Variants in IZUMO3 observed in about 807,000 individuals in gnomAD.
The protein encoded by IZUMO3 is izumo sperm-egg fusion protein 3.
In IZUMO3, 36 loss-of-function variants were observed where a neutral mutation model predicts 28.4. That is an observed-to-expected ratio of 1.27 (90% confidence interval 0.97 to 1.67). The LOEUF (loss-of-function observed/expected upper bound fraction) is 1.67, where lower values mean the gene tolerates loss of function less well. IZUMO3 is among the 40% of genes most tolerant of loss of function. IZUMO3 has a pLI of 0.00. For synonymous variants in IZUMO3, 126 were observed against 99.2 expected (o/e 1.27, Z -1.61); for missense variants, 387 against 278.5 (o/e 1.39, Z -2.77).
chr9:24,544,411 C>T (rs978034323), intron 4 of IZUMO3, 130 bp from the exon 5 acceptor site: 2 of 707,024 alleles, frequency 2.8e-6, no homozygotes, highest in Non-Finnish European at 4.9e-6. Context: ...CTGTGAATTT[C>T]TTCTTCTCCT....
Position 24,545,724 on chromosome 9 carries a change from A to T in IZUMO3, c.-75T>A, listed in dbSNP as rs1819579215. 1 of 1,533,236 alleles carries T rather than the reference A, an allele frequency of 6.5e-7. No homozygotes were observed. Among genetic ancestry groups the T allele is most frequent in the Admixed American group, 2.0e-5 (1 of 50,432 alleles). The allele number at this position is 1,533,236 out of a possible 1,614,324, so 95.0% of individuals were successfully genotyped here. A position where few individuals can be genotyped will look rare whatever the true frequency, so the allele number is the denominator to read the frequency against. On this transcript the variant is annotated 5_prime_UTR_variant, in exon 1 of 7. Coordinates refer to ENST00000543880, the MANE Select transcript of IZUMO3 (RefSeq NM_001365008.2). ...TCACTTAGTTCCTTTTCCTTCAAAA[A>T]TCCGGGAATGAGAGCCTGGTTCTGG...
chr9:24,544,351 G>T (rs974345962), intron 4 of IZUMO3, 70 bp from the exon 5 acceptor site: 2 of 1,062,016 alleles, frequency 1.9e-6, no homozygotes, highest in African/African-American at 1.6e-5. Context: ...CATACATCAA[G>T]TGTGGAGGAT....
rs1411967945 is a variant in IZUMO3 at position 24,543,671 on chromosome 9, C to G, written c.574G>C (p.Val192Leu). The change falls in exon 6 of 7, where the codon GTG becomes CTG. Residue 192 changes from valine (V) to leucine (L), a missense_variant. Coordinates refer to ENST00000543880, the MANE Select transcript of IZUMO3 (RefSeq NM_001365008.2). ...LATAVILGSA[V>L]LLFHFCIFHR... Reference sequence around the variant, plus strand: ...TGGAGAGAAGAAACTCACAGTAACACAGCACTTCCCAGTATTACAGCTGTT... The same window carrying G: ...TGGAGAGAAGAAACTCACAGTAACAGAGCACTTCCCAGTATTACAGCTGTT... The G allele has an allele frequency of 1.3e-6, 2 of 1,544,324 alleles. No homozygotes were observed. The highest frequency in any genetic ancestry group is 3.3e-4 in the Middle Eastern group (2 of 5,974).
Position 24,545,746 on chromosome 9 carries a change from C to A in IZUMO3, c.-97G>T. ...AAAATCCGGGAATGAGAGCCTGGTT[C>A]TGGATAGTCTGACTCCACTTTTCCC... On this transcript the variant is annotated 5_prime_UTR_variant, in exon 1 of 7. The change creates a premature stop within an existing upstream ORF in the 5' untranslated region. Transcript: ENST00000543880. The A allele has an allele frequency of 3.9e-6, 6 of 1,533,288 alleles. No individual in the cohort carries two copies. The East Asian group carries it at 1.5e-4, about 38-fold the overall frequency. The allele number at this position is 1,533,288 out of a possible 1,614,324, so 95.0% of individuals were successfully genotyped here. A position where few individuals can be genotyped will look rare whatever the true frequency, so the allele number is the denominator to read the frequency against.
rs138767023 is a variant in IZUMO3, at chr9:24,545,332, A to C, written c.227-46T>G. The C allele has an allele frequency of 4.4e-3, 6,802 of 1,546,610 alleles. 22 individuals are homozygous for C. The highest frequency in any genetic ancestry group is 5.1e-3 in the Non-Finnish European group (5,862 of 1,143,630). On this transcript the variant is annotated intron_variant, in intron 1 of 6. Coordinates refer to ENST00000543880, the MANE Select transcript of IZUMO3 (RefSeq NM_001365008.2). ...TACATGTAGGGGAATAATTACATCT[A>C]TGCAGGAAGTTATGTAGACCCAGGT...
In IZUMO3 at chr9:24,543,652, G is replaced by A. The variant is rs892430190; in HGVS notation, c.581+12C>T. 2 of 1,520,652 alleles carry A rather than the reference G, an allele frequency of 1.3e-6. No homozygotes were observed. The highest frequency in any genetic ancestry group is 1.8e-6 in the Non-Finnish European group (2 of 1,120,388). The allele number at this position is 1,520,652 out of a possible 1,614,324, so 94.2% of individuals were successfully genotyped here. ...ATTTGACCCAGTGTTTATTTGGAGAGAAGAAACTCACAGTAACACAGCACT... is the reference window on the plus strand; with the variant it reads ...ATTTGACCCAGTGTTTATTTGGAGAAAAGAAACTCACAGTAACACAGCACT... On this transcript the variant is annotated intron_variant, in intron 6 of 6. Coordinates refer to ENST00000543880, the MANE Select transcript of IZUMO3 (RefSeq NM_001365008.2).
chr9:24,544,797 C>A, intron 3 of IZUMO3, 37 bp from the exon 4 acceptor site: 1 of 1,546,474 alleles, frequency 6.5e-7, no homozygotes, highest in Non-Finnish European at 8.7e-7. Context: ...GAGTTTAAAA[C>A]CAGCTACAGT....
At chr9:24,545,121 T>G in intron 2 of IZUMO3, 60 bp from the exon 3 acceptor site, 3 of 1,475,812 alleles carry the variant, frequency 2.0e-6, no homozygotes, top group Non-Finnish European at 2.8e-6. Context: ...CAGAAGTTAA[T>G]TATGTCTGTT....
intron 4 of IZUMO3, 72 bp from the exon 5 acceptor site, chr9:24,544,353 G>A: frequency 2.8e-6 from 3 of 1,055,174 alleles, no homozygotes; most frequent in South Asian, 1.4e-5. Flanking sequence ...TACATCAAGT[G>A]TGGAGGATTT....
chr9:24,544,821 A>G, intron 3 of IZUMO3, 61 bp from the exon 4 acceptor site: 1 of 1,487,330 alleles, frequency 6.7e-7, no homozygotes. Context: ...CCATATTTAT[A>G]CCCAAGTAGT....
chr9:24,545,356 G>T lies in IZUMO3; in HGVS notation c.226+68C>A, dbSNP rs991134088. ...TATGCAGGAAGTTATGTAGACCCAG[G>T]TGTTCTCTTCCTTGCCTCCCTTCTC... On this transcript the variant is annotated intron_variant, in intron 1 of 6. Coordinates refer to ENST00000543880, the MANE Select transcript of IZUMO3 (RefSeq NM_001365008.2). 2.6e-6 allele frequency: 4 copies of T among 1,546,774 alleles called. No homozygotes were observed. The African/African-American group carries it at 4.1e-5, about 16-fold the overall frequency.
At position 24,545,192 on chromosome 9, in the gene IZUMO3, A is replaced by G; in HGVS notation, c.301+20T>C. 6.5e-7 allele frequency: 1 copy of G among 1,545,324 alleles called. No individual in the cohort carries two copies. Among genetic ancestry groups the G allele is most frequent in the Non-Finnish European group, 8.8e-7 (1 of 1,142,350 alleles). On this transcript the variant is annotated intron_variant, in intron 2 of 6. Transcript: ENST00000543880. ...CTTGCTTGAGCAATACAAACTTTTA[A>G]CATTGAAACAGTACCTCACCTTTCC...
rs966886599 is a variant in IZUMO3 at position 24,544,732 on chromosome 9, A to T, written c.409+11T>A. 1 of 1,549,644 alleles carries T rather than the reference A, an allele frequency of 6.5e-7. No individual in the cohort carries two copies. The highest frequency in any genetic ancestry group is 8.7e-7 in the Non-Finnish European group (1 of 1,146,218). ...GCTGAAACCTCAAGGCGTCACATGTACTGTACTCACTGCAATCTTCAGAAC... is the reference window on the plus strand; with the variant it reads ...GCTGAAACCTCAAGGCGTCACATGTTCTGTACTCACTGCAATCTTCAGAAC... On this transcript the variant is annotated intron_variant, in intron 4 of 6. Coordinates refer to ENST00000543880, the MANE Select transcript of IZUMO3 (RefSeq NM_001365008.2).
chr9:24,543,648 G>C lies in IZUMO3; in HGVS notation c.581+16C>G, dbSNP rs1020799811. 140 of 1,506,902 alleles carry C rather than the reference G, an allele frequency of 9.3e-5. No individual in the cohort carries two copies. In the Admixed American group the frequency reaches 2.7e-3, roughly 29 times the overall value. The allele number at this position is 1,506,902 out of a possible 1,614,324, so 93.3% of individuals were successfully genotyped here. A position where few individuals can be genotyped will look rare whatever the true frequency, so the allele number is the denominator to read the frequency against. On this transcript the variant is annotated intron_variant, in intron 6 of 6. Transcript: ENST00000543880. ...GAATATTTGACCCAGTGTTTATTTG[G>C]AGAGAAGAAACTCACAGTAACACAG...
rs1020094576 is a variant in IZUMO3, at chr9:24,544,208, A to G, written c.483T>C (p.Tyr161=). 6 of 1,548,196 alleles carry G rather than the reference A, an allele frequency of 3.9e-6. No individual in the cohort carries two copies. Among genetic ancestry groups the G allele is most frequent in the South Asian group, 2.4e-5 (2 of 84,008 alleles). The change falls in exon 5 of 7, where the codon TAT becomes TAC. Residue 161 remains tyrosine (Y), a synonymous_variant. Coordinates refer to ENST00000543880, the MANE Select transcript of IZUMO3 (RefSeq NM_001365008.2). ...RMTNRCFKGE[Y]CGDEDPRKAE... ...TACCATGATCTTTGTTACCTCCACA[A>G]TATTCTCCTTTGAAGCACCTGTTAG... is the stretch of plus-strand genomic sequence containing the variant.
At chr9:24,543,561 G>T in intron 6 of IZUMO3, 103 bp downstream of exon 6, 2 of 857,190 alleles carry the variant, frequency 2.3e-6, no homozygotes, top group South Asian at 1.7e-5. Flanking sequence ...AATTTAAAAT[G>T]ACTTCTTTTG....
Position 24,544,656 on chromosome 9 carries a change from A to G in IZUMO3, c.409+87T>C. 4 of 1,173,558 alleles carry G rather than the reference A, an allele frequency of 3.4e-6. 1 individual carries two copies. The South Asian group carries it at 5.4e-5, about 16-fold the overall frequency. The allele number at this position is 1,173,558 out of a possible 1,614,324, so 72.7% of individuals were successfully genotyped here. ...CTCTAGGAATTGGTTTCCCAGTGTAACAGGTGGGAGAGATAGGGCCATATA... is the reference window on the plus strand; with the variant it reads ...CTCTAGGAATTGGTTTCCCAGTGTAGCAGGTGGGAGAGATAGGGCCATATA... On this transcript the variant is annotated intron_variant, in intron 4 of 6. Transcript: ENST00000543880.
In IZUMO3 at chr9:24,543,659, C is replaced by T. The variant is rs910216225; in HGVS notation, c.581+5G>A. ...CCAGTGTTTATTTGGAGAGAAGAAA[C>T]TCACAGTAACACAGCACTTCCCAGT... On this transcript the variant is annotated splice_donor_5th_base_variant and intron_variant, in intron 6 of 6. Transcript: ENST00000543880. 1 of 1,533,058 alleles carries T rather than the reference C, an allele frequency of 6.5e-7. No homozygotes were observed. The highest frequency in any genetic ancestry group is 1.4e-5 in the African/African-American group (1 of 72,556). 95.0% of individuals were successfully genotyped at this position (1,533,058 alleles called of 1,614,324 possible).
intron 6 of IZUMO3, 134 bp from the exon 7 acceptor site, chr9:24,543,501 C>A: frequency 3.3e-6 from 1 of 306,742 alleles, no homozygotes; most frequent in Non-Finnish European, 4.3e-6. Context: ...TCCTTTTGTT[C>A]CAACTATTAT....
Sources: allele counts gnomAD v4.1 joint callset, GRCh38; gene constraint gnomAD v4.1.1; transcripts MANE v1.5; gene names NCBI Gene and HGNC (gene_info 2026-07-23, HGNC 2026-07-21).